RASAL2: variants seen among roughly 807,000 people sequenced by gnomAD.
RASAL2 encodes ras GTPase-activating protein nGAP.
RASAL2 carries 58 observed loss-of-function variants against 128.9 expected under a neutral mutation model. The observed-to-expected ratio is 0.45, with a 90% CI of 0.36 to 0.56. The LOEUF (loss-of-function observed/expected upper bound fraction) is 0.56. Among genes scored for constraint, RASAL2 ranks in the 20% least tolerant of loss-of-function variants. The pLI is 0.00. For synonymous variants in RASAL2, 561 were observed against 580.8 expected, an observed-to-expected ratio of 0.97 and a Z score of 0.49; for missense variants, 1,360 against 1,601.6, an observed-to-expected ratio of 0.85 and a Z score of 2.57.
Position 178,271,523 on chromosome 1 carries a change from G to GT in RASAL2, c.203-12032dup, listed in dbSNP as rs202074541. On this transcript the variant is annotated intron_variant, in intron 1 of 17. Coordinates refer to ENST00000367649, the MANE Select transcript of RASAL2 (RefSeq NM_170692.4). ...TTATGGAGCTCTTGGAGCAATTCCAGTTTTTTTTTGTAGGCCAGAGTTAGA... is the reference window on the plus strand; with the variant it reads ...TTATGGAGCTCTTGGAGCAATTCCAGTTTTTTTTTTGTAGGCCAGAGTTAGA... Among the ~76,000 whole-genome samples the GT allele has an allele frequency of 5.9e-5, 9 of 151,506 alleles. No individual in the cohort carries two copies. In the East Asian group the frequency reaches 7.7e-4, roughly 13 times the overall value.
In RASAL2 at chr1:178,144,137, T is replaced by C. The variant is rs567221249; in HGVS notation, c.202+49443T>C. ...CTAATATGCTCTTGAGAAGTCACCA[T>C]GAACTCCATGTTGCTGAGCCCAGTG... On this transcript the variant is annotated intron_variant, in intron 1 of 17. Coordinates refer to ENST00000367649, the MANE Select transcript of RASAL2 (RefSeq NM_170692.4). Among the ~76,000 whole-genome samples, 169 of 152,290 alleles carry C rather than the reference T, an allele frequency of 1.1e-3. 1 individual carries two copies. The highest frequency in any genetic ancestry group is 3.7e-3 in the African/African-American group (155 of 41,580).
chr1:178,269,855 C>G (rs558444646), intron 1 of RASAL2, among the ~76,000 whole-genome samples: 10 of 152,304 alleles, frequency 6.6e-5, no homozygotes, highest in African/African-American at 2.4e-4. Context: ...GCACTGCGGA[C>G]TCGCCCTGAA....
At chr1:178,245,309 G>T (rs1664721059) in intron 1 of RASAL2, among the ~76,000 whole-genome samples, 1 of 152,180 alleles carries the variant, frequency 6.6e-6, no homozygotes, top group South Asian at 2.1e-4. Context: ...GTTGTAATTT[G>T]CATTTCTCTA....
intron 1 of RASAL2, among the ~76,000 whole-genome samples, chr1:178,207,994 AT>A (rs1402242874): frequency 6.6e-6 from 1 of 152,168 alleles, no homozygotes; most frequent in African/African-American, 2.4e-5. Context: ...CAGTTCCCAA[AT>A]AATACTTTTA....
intron 1 of RASAL2, among the ~76,000 whole-genome samples, chr1:178,192,778 C>T (rs1317597739): frequency 6.6e-6 from 1 of 152,202 alleles, no homozygotes; most frequent in East Asian, 1.9e-4. Flanking sequence ...ACTTCCTCCT[C>T]TGAGTCTGGC....
intron 3 of RASAL2, among the ~76,000 whole-genome samples, chr1:178,318,264 A>G (rs1406105644): frequency 7.6e-4 from 106 of 139,646 alleles, no homozygotes; most frequent in African/African-American, 1.4e-3. Context: ...AAAAATGTAT[A>G]TTCTGTTGAT....
intron 3 of RASAL2, among the ~76,000 whole-genome samples, chr1:178,369,927 C>T (rs1412694390): frequency 1.3e-5 from 2 of 152,110 alleles, no homozygotes; most frequent in South Asian, 2.1e-4. Context: ...AATGAAAGTA[C>T]GGACGTGAGA....
At position 178,260,401 on chromosome 1, in the gene RASAL2, T is replaced by A. The variant is rs1220203962; in HGVS notation, c.203-23163T>A. On this transcript the variant is annotated intron_variant, in intron 1 of 17. Coordinates refer to ENST00000367649, the MANE Select transcript of RASAL2 (RefSeq NM_170692.4). ...ATATATATATATATATATATATATATATATATATATATATGATAATAATTT... is the reference window on the plus strand; with the variant it reads ...ATATATATATATATATATATATATAAATATATATATATATGATAATAATTT... 2.9e-3 allele frequency among the ~76,000 whole-genome samples: 249 copies of A among 85,920 alleles called. 16 individuals are homozygous for A. Among genetic ancestry groups the A allele is most frequent in the African/African-American group, 6.9e-3 (152 of 21,982 alleles). The allele number at this position is 85,920 out of a possible 152,430, so 56.4% of individuals were successfully genotyped here.
At chr1:178,173,041 G>A (rs1661756604) in intron 1 of RASAL2, among the ~76,000 whole-genome samples, 1 of 152,054 alleles carries the variant, frequency 6.6e-6, no homozygotes, top group South Asian at 2.1e-4. Context: ...TCACCTATGT[G>A]CATGTGTGGT....
chr1:178,224,684 A>G (rs1171145834), intron 1 of RASAL2, among the ~76,000 whole-genome samples: 2 of 152,146 alleles, frequency 1.3e-5, no homozygotes, highest in Non-Finnish European at 2.9e-5. Context: ...TAACCGTAGC[A>G]TCTATCATGT....
chr1:178,459,021 T>C (rs1156724061), intron 14 of RASAL2, among the ~76,000 whole-genome samples: 1 of 152,154 alleles, frequency 6.6e-6, no homozygotes, highest in Non-Finnish European at 1.5e-5. Flanking sequence ...CAAAGTCCCA[T>C]GTGGCTTTTC....
intron 3 of RASAL2, among the ~76,000 whole-genome samples, chr1:178,354,413 C>G (rs917919766): frequency 6.6e-6 from 1 of 152,166 alleles, no homozygotes; most frequent in Admixed American, 6.5e-5. Flanking sequence ...GAAAAGCTTT[C>G]CCTTTTAGAT....
intron 3 of RASAL2, among the ~76,000 whole-genome samples, chr1:178,371,355 T>TAC (rs766584516): frequency 0.063 from 8,062 of 127,596 alleles, 294 homozygotes; most frequent in East Asian, 0.12. Context: ...CACACACAAA[T>TAC]ACACACACAC....
intron 1 of RASAL2, among the ~76,000 whole-genome samples, chr1:178,257,421 ATATG>A (rs1558147055): frequency 8.7e-6 from 1 of 114,578 alleles, no homozygotes; most frequent in African/African-American, 4.3e-5. Flanking sequence ...TGGCTCAGGG[ATATG>A]TGTGTGTGTG....
intron 3 of RASAL2, among the ~76,000 whole-genome samples, chr1:178,319,307 G>A (rs1313887903): frequency 1.3e-4 from 20 of 151,860 alleles, no homozygotes; most frequent in African/African-American, 4.1e-4. Flanking sequence ...TCTTTATGGC[G>A]TTCTCTGTAT....
chr1:178,380,578 TG>T (rs1323677552), intron 3 of RASAL2, among the ~76,000 whole-genome samples: 1 of 152,080 alleles, frequency 6.6e-6, no homozygotes, highest in East Asian at 1.9e-4. Context: ...GTCTATTGAG[TG>T]GGGGTAGGGG....
In RASAL2 at chr1:178,343,311, C is replaced by T. The variant is rs576118943; in HGVS notation, c.457+43193C>T. ...ACCAAATTACCAAGTGAATTCTCCA[C>T]CCAGTAGGAAAGAAGAGACTGTCTG... On this transcript the variant is annotated intron_variant, in intron 3 of 17. Transcript: ENST00000367649. Among the ~76,000 whole-genome samples the T allele has an allele frequency of 4.6e-5, 7 of 152,258 alleles. No homozygotes were observed. In the South Asian group the frequency reaches 1.4e-3, roughly 32 times the overall value.
intron 3 of RASAL2, among the ~76,000 whole-genome samples, chr1:178,300,780 T>C (rs142277727): frequency 3.9e-4 from 60 of 152,330 alleles, no homozygotes; most frequent in African/African-American, 1.3e-3. Flanking sequence ...TTTTTAATAA[T>C]GGATATTTAA....
At chr1:178,207,954 A>C (rs1041683498) in intron 1 of RASAL2, among the ~76,000 whole-genome samples, 1 of 152,214 alleles carries the variant, frequency 6.6e-6, no homozygotes, top group African/African-American at 2.4e-5. Flanking sequence ...GCAGAGGAAT[A>C]TGAATTGTGA....
Sources: gnomAD v4.1 joint callset for allele counts (sites outside exome capture counted in the v4.1 genomes callset) on GRCh38, gnomAD v4.1.1 for gene constraint, MANE v1.5 for transcripts, NCBI Gene and HGNC (gene_info 2026-07-23, HGNC 2026-07-21) for gene names.